GALNT13: variants seen among roughly 807,000 people sequenced by gnomAD.
GALNT13 encodes the protein polypeptide N-acetylgalactosaminyltransferase 13.
A neutral mutation model predicts 64.2 loss-of-function variants in GALNT13; 28 were observed. That is an observed-to-expected ratio of 0.44 (90% CI 0.32 to 0.60). GALNT13 has a LOEUF of 0.60. Among genes scored for constraint, GALNT13 ranks in the 20% least tolerant of loss-of-function variants. The pLI is 0.05. For synonymous variants in GALNT13, 214 were observed against 224.6 expected (o/e 0.95, Z 0.42); for missense variants, 577 against 669.8 (o/e 0.86, Z 1.53).
At chr2:154,110,206 G>C (rs1010923167) in intron 3 of GALNT13, among the ~76,000 whole-genome samples, 2 of 143,324 alleles carry the variant, frequency 1.4e-5, no homozygotes, top group Non-Finnish European at 3.0e-5. Flanking sequence ...TGTTGTTTTA[G>C]TTTTTATTTC....
chr2:153,880,019 T>G (rs1414792603), intron 1 of GALNT13, among the ~76,000 whole-genome samples: 1 of 152,278 alleles, frequency 6.6e-6, no homozygotes, highest in East Asian at 1.9e-4. Flanking sequence ...AACAGCTGTT[T>G]GTTTCAATCC....
chr2:153,797,550 T>G, the GALNT13 span, among the ~76,000 whole-genome samples: 8 of 152,162 alleles, frequency 5.3e-5, no homozygotes, highest in Non-Finnish European at 8.8e-5. Context: ...CTGCTTCCTA[T>G]GTCACCTCTA....
chr2:153,449,549 C>T, the GALNT13 span: 2 of 152,438 alleles, frequency 1.3e-5, no homozygotes, highest in Non-Finnish European at 2.9e-5. Flanking sequence ...TATCTTTGCA[C>T]TACTCACCTC....
the GALNT13 span, among the ~76,000 whole-genome samples, chr2:153,829,046 C>T: frequency 2.7e-3 from 406 of 152,294 alleles, 2 homozygotes; most frequent in East Asian, 0.024. Flanking sequence ...CTGAGACAAC[C>T]TCAGCCTGGA....
chr2:153,869,189 T>C (rs929900577), upstream of GALNT13, among the ~76,000 whole-genome samples: 2 of 152,294 alleles, frequency 1.3e-5, no homozygotes, highest in Middle Eastern at 6.8e-3. Flanking sequence ...TTCTTATATA[T>C]GATCACAATA....
the GALNT13 span, among the ~76,000 whole-genome samples, chr2:153,710,570 T>C: frequency 0.16 from 24,736 of 151,952 alleles, 3,600 homozygotes; most frequent in African/African-American, 0.38. Context: ...ATCCAAACTG[T>C]GTATATTAAC....
chr2:153,685,871 G>A, the GALNT13 span, among the ~76,000 whole-genome samples: 8 of 151,608 alleles, frequency 5.3e-5, no homozygotes, highest in Non-Finnish European at 7.4e-5. Flanking sequence ...TCTGCATATA[G>A]CTAGTCAGCA....
the GALNT13 span, among the ~76,000 whole-genome samples, chr2:153,457,257 G>A: frequency 6.6e-6 from 1 of 152,172 alleles, no homozygotes; most frequent in East Asian, 1.9e-4. Flanking sequence ...CTTTCATAAA[G>A]TAGGTAAATA....
In GALNT13 at chr2:154,450,837, A is replaced by G. The variant is rs1701846200; in HGVS notation, c.*286A>G. 1 of 263,520 alleles carries G rather than the reference A, an allele frequency of 3.8e-6. No individual in the cohort carries two copies. The highest frequency in any genetic ancestry group is 2.2e-5 in the African/African-American group (1 of 45,016). 16.3% of individuals were successfully genotyped at this position (263,520 alleles called of 1,614,324 possible). A position where few individuals can be genotyped will look rare whatever the true frequency, so the allele number is the denominator to read the frequency against. On this transcript the variant is annotated 3_prime_UTR_variant, in exon 13 of 13. Transcript: ENST00000392825. ...TTTAAGAAAAATGTTTATTGCACTCATGTCATAGGGTTAATTGGAGGTTAT... is the reference window on the plus strand; with the variant it reads ...TTTAAGAAAAATGTTTATTGCACTCGTGTCATAGGGTTAATTGGAGGTTAT...
At chr2:154,010,911 G>T (rs569764718) in intron 3 of GALNT13, among the ~76,000 whole-genome samples, 20 of 151,332 alleles carry the variant, frequency 1.3e-4, no homozygotes, top group East Asian at 9.8e-4. Flanking sequence ...GTTTTTTTGT[G>T]TGTGTGTGTG....
At chr2:154,353,320 T>A (rs897193831) in intron 9 of GALNT13, among the ~76,000 whole-genome samples, 11 of 152,286 alleles carry the variant, frequency 7.2e-5, no homozygotes, top group Middle Eastern at 3.4e-3. Context: ...GGGGTATAAC[T>A]GAGGTTTACA....
intron 7 of GALNT13, among the ~76,000 whole-genome samples, chr2:154,247,286 C>A (rs1000616876): frequency 1.3e-5 from 2 of 151,876 alleles, no homozygotes; most frequent in African/African-American, 4.8e-5. Context: ...TTGATACTTA[C>A]CTTTAACAAA....
intron 2 of GALNT13, among the ~76,000 whole-genome samples, chr2:153,920,507 T>C (rs1209131653): frequency 1.3e-5 from 2 of 152,004 alleles, no homozygotes; most frequent in Non-Finnish European, 2.9e-5. Context: ...GACTTTAATA[T>C]AAGACCCAAA....
chr2:153,077,772 A>C, the GALNT13 span, among the ~76,000 whole-genome samples: 1 of 152,332 alleles, frequency 6.6e-6, no homozygotes, highest in Middle Eastern at 3.4e-3. Flanking sequence ...TGAATTGGGG[A>C]GCAACAAACT....
chr2:154,031,802 C>T (rs890672593), intron 3 of GALNT13, among the ~76,000 whole-genome samples: 4 of 151,564 alleles, frequency 2.6e-5, no homozygotes, highest in African/African-American at 9.7e-5. Context: ...TAGATAAATC[C>T]ATAATTATAT....
chr2:153,690,271 G>A, the GALNT13 span, among the ~76,000 whole-genome samples: 1 of 152,054 alleles, frequency 6.6e-6, no homozygotes, highest in African/African-American at 2.4e-5. Flanking sequence ...ACTATTTCCT[G>A]AAATACCTGA....
At chr2:154,048,611 C>T (rs1217508208) in intron 3 of GALNT13, among the ~76,000 whole-genome samples, 3 of 151,976 alleles carry the variant, frequency 2.0e-5, no homozygotes, top group African/African-American at 7.2e-5. Context: ...CTTGATATGT[C>T]TAATTCTCTA....
At chr2:153,339,488 A>C in the GALNT13 span, among the ~76,000 whole-genome samples, 97 of 152,226 alleles carry the variant, frequency 6.4e-4, 1 homozygote, top group African/African-American at 2.3e-3. Context: ...GAATTGCTTG[A>C]GTTACTTAAA....
the GALNT13 span, among the ~76,000 whole-genome samples, chr2:153,752,556 G>A: frequency 2.0e-5 from 3 of 152,018 alleles, no homozygotes; most frequent in African/African-American, 7.2e-5. Context: ...GTTTAAATAT[G>A]TCATGCCACT....
Sources: gnomAD v4.1 joint callset for allele counts (sites outside exome capture counted in the v4.1 genomes callset) on GRCh38, gnomAD v4.1.1 for gene constraint, MANE v1.5 for transcripts, NCBI Gene and HGNC (gene_info 2026-07-23, HGNC 2026-07-21) for gene names.